The following SENP7 variants were observed in gnomAD, a reference collection of about 807,000 sequenced individuals.
SENP7 encodes the protein sentrin-specific protease 7.
SENP7 carries 64 observed loss-of-function variants against 141.2 expected under a neutral mutation model. That is an observed-to-expected ratio of 0.45 (90% confidence interval 0.37 to 0.56). The LOEUF (loss-of-function observed/expected upper bound fraction) is 0.56, where lower values mean the gene tolerates loss of function less well. Among genes scored for constraint, SENP7 ranks in the 20% least tolerant of loss-of-function variants. The pLI, the probability that SENP7 is intolerant of heterozygous loss-of-function variation, is 0.00. For missense variants in SENP7, 1,025 were observed against 1,212.2 expected, an observed-to-expected ratio of 0.85 and a Z score of 2.29; for synonymous variants, 382 against 426.4, an observed-to-expected ratio of 0.90 and a Z score of 1.28.
At chr3:101,451,745 C>A (rs2063144293) in intron 4 of SENP7, among the ~76,000 whole-genome samples, 1 of 152,160 alleles carries the variant, frequency 6.6e-6, no homozygotes, top group Non-Finnish European at 1.5e-5. Context: ...GACAAACTCA[C>A]AGCCAATATC....
chr3:101,432,271 T>C (rs1421326993), intron 4 of SENP7, among the ~76,000 whole-genome samples: 1 of 152,164 alleles, frequency 6.6e-6, no homozygotes, highest in Non-Finnish European at 1.5e-5. Flanking sequence ...TCAACCATAA[T>C]ACAATAGAAC....
intron 4 of SENP7, among the ~76,000 whole-genome samples, chr3:101,436,392 C>T (rs2062389156): frequency 6.6e-6 from 1 of 152,142 alleles, no homozygotes; most frequent in African/African-American, 2.4e-5. Flanking sequence ...ACCCCACAAG[C>T]ACAGACAACC....
chr3:101,417,691 G>A lies in SENP7; in HGVS notation c.384C>T (p.Asn128=), dbSNP rs772239542. ...PRNDANLCDA[N]KVQSDSLPST... is the part of the protein sequence containing the mutation. ...AAGGCAATGAGTCTGATTGCACCTT[G>A]TTGGCATCACATAAATTAGCATCGT... Residue 128 remains asparagine, a synonymous_variant, in exon 5 of 24, where the codon AAC becomes AAT. Coordinates refer to ENST00000394095, the MANE Select transcript of SENP7 (RefSeq NM_020654.5). 3.4e-5 allele frequency: 55 copies of A among 1,613,770 alleles called. No individual in the cohort carries two copies. The highest frequency in any genetic ancestry group is 4.7e-5 in the Non-Finnish European group (55 of 1,179,786).
At chr3:101,492,150 C>A (rs1177587025) in intron 3 of SENP7, among the ~76,000 whole-genome samples, 3 of 151,792 alleles carry the variant, frequency 2.0e-5, no homozygotes, top group South Asian at 2.1e-4. Flanking sequence ...GTAAACCCAG[C>A]GCTTCAGGAG....
chr3:101,488,568 G>A (rs968436104), intron 3 of SENP7, among the ~76,000 whole-genome samples: 4 of 152,172 alleles, frequency 2.6e-5, no homozygotes, highest in East Asian at 1.9e-4. Context: ...CAGGCCAGGC[G>A]CGGTGGCTCA....
chr3:101,356,442 T>A (rs529437107), intron 11 of SENP7, among the ~76,000 whole-genome samples: 4 of 152,248 alleles, frequency 2.6e-5, no homozygotes, highest in Admixed American at 1.3e-4. Context: ...TTCAAAAAAA[T>A]TTTTTCAAGG....
chr3:101,510,538 A>C (rs925247370), intron 1 of SENP7, among the ~76,000 whole-genome samples: 2 of 152,090 alleles, frequency 1.3e-5, no homozygotes, highest in Non-Finnish European at 2.9e-5. Flanking sequence ...CTGCATACTT[A>C]GGAAACTTTG....
intron 11 of SENP7, among the ~76,000 whole-genome samples, chr3:101,359,627 A>C (rs1007192898): frequency 2.6e-5 from 4 of 151,774 alleles, no homozygotes; most frequent in Non-Finnish European, 5.9e-5. Flanking sequence ...ACAATTAAAA[A>C]TTTTTAAAGA....
intron 6 of SENP7, among the ~76,000 whole-genome samples, chr3:101,380,439 C>A (rs1414197055): frequency 2.9e-5 from 3 of 102,390 alleles, no homozygotes; most frequent in Non-Finnish European, 4.3e-5. Flanking sequence ...ACCACCGCCC[C>A]CCCCCCCACA....
intron 5 of SENP7, among the ~76,000 whole-genome samples, chr3:101,403,301 T>C (rs567125474): frequency 2.6e-5 from 4 of 152,338 alleles, no homozygotes; most frequent in Admixed American, 2.6e-4. Flanking sequence ...AATTAAAAAT[T>C]TTACTATTTT....
chr3:101,351,598 A>AT lies in SENP7; in HGVS notation c.1657+19dup. 7.5e-7 allele frequency: 1 copy of AT among 1,341,228 alleles called. No individual in the cohort carries two copies. The highest frequency in any genetic ancestry group is 2.9e-5 in the Admixed American group (1 of 34,902). 83.1% of individuals were successfully genotyped at this position (1,341,228 alleles called of 1,614,324 possible). A position where few individuals can be genotyped will look rare whatever the true frequency, so the allele number is the denominator to read the frequency against. ...AAAACTATAGTAAAAAGACAAGTTC[A>AT]TAAGAGAATGATAACTTACCTTGAA... On this transcript the variant is annotated intron_variant, in intron 12 of 23. Transcript: ENST00000394095.
chr3:101,345,557 A>G (rs2059434945), intron 13 of SENP7, among the ~76,000 whole-genome samples: 1 of 152,204 alleles, frequency 6.6e-6, no homozygotes, highest in Admixed American at 6.5e-5. Flanking sequence ...GTTGGTGTAT[A>G]GCAGAGCTAC....
At chr3:101,412,798 C>G (rs1209323981) in intron 5 of SENP7, among the ~76,000 whole-genome samples, 1 of 151,944 alleles carries the variant, frequency 6.6e-6, no homozygotes, top group African/African-American at 2.4e-5. Flanking sequence ...GAATTTTCTC[C>G]CAGGAAAATA....
chr3:101,457,559 A>G, intron 4 of SENP7: 3 of 1,599,436 alleles, frequency 1.9e-6, no homozygotes, highest in Non-Finnish European at 2.6e-6. Flanking sequence ...CTTCAATACC[A>G]AAGATATTGT....
At chr3:101,481,788 A>T (rs1271142104) in intron 3 of SENP7, among the ~76,000 whole-genome samples, 1 of 152,232 alleles carries the variant, frequency 6.6e-6, no homozygotes, top group Non-Finnish European at 1.5e-5. Flanking sequence ...ATAACTTTTT[A>T]AAAAGATATG....
chr3:101,342,962 G>A (rs369411697), intron 14 of SENP7, among the ~76,000 whole-genome samples: 3 of 152,060 alleles, frequency 2.0e-5, no homozygotes, highest in Non-Finnish European at 2.9e-5. Context: ...CACTGCGTCC[G>A]GCCAACCTTG....
chr3:101,459,335 GT>G (rs1429835719), intron 3 of SENP7, among the ~76,000 whole-genome samples: 1 of 152,124 alleles, frequency 6.6e-6, no homozygotes, highest in African/African-American at 2.4e-5. Flanking sequence ...AATCTGGAAT[GT>G]ACTTAAAGGA....
At chr3:101,504,459 CAAA>C (rs869193349) in intron 1 of SENP7, among the ~76,000 whole-genome samples, 1 of 121,796 alleles carries the variant, frequency 8.2e-6, no homozygotes. Flanking sequence ...AATTCCATCT[CAAA>C]AAAAAAAAAA....
chr3:101,332,163 A>T, intron 18 of SENP7, 54 bp from the exon 19 acceptor site: 1 of 1,545,674 alleles, frequency 6.5e-7, no homozygotes, highest in Admixed American at 1.8e-5. Flanking sequence ...ACAACATATA[A>T]TATATTCTAG....
Sources: gnomAD v4.1 joint callset for allele counts (sites outside exome capture counted in the v4.1 genomes callset) on GRCh38, gnomAD v4.1.1 for gene constraint, MANE v1.5 for transcripts, NCBI Gene and HGNC (gene_info 2026-07-23, HGNC 2026-07-21) for gene names.